The following HAUS7 variants were observed in gnomAD, a reference collection of about 807,000 sequenced individuals.
HAUS7 encodes the protein HAUS augmin like complex subunit 7, also known as HAUS augmin-like complex subunit 7.
A neutral mutation model predicts 28.4 loss-of-function variants in HAUS7; 3 were observed. The ratio of observed to expected loss-of-function variants is 0.11; its 90% CI spans 0.05 to 0.27. The LOEUF is 0.27. HAUS7 is among the 10% of genes least tolerant of loss of function. The pLI is 1.00. For synonymous variants in HAUS7, 165 were observed against 132.1 expected (o/e 1.25, Z -1.71); for missense variants, 284 against 297.3 (o/e 0.96, Z 0.33).
intron 1 of HAUS7, among the ~76,000 whole-genome samples, chrX:153,488,269 G>A (rs782273600): frequency 4.4e-5 from 5 of 112,830 alleles, no homozygotes; most frequent in South Asian, 3.6e-4. Flanking sequence ...CCCATTCCCC[G>A]GCCTTTCTCT....
At chrX:153,472,580 A>G (rs1364803378), upstream of HAUS7, among the ~76,000 whole-genome samples, 1 of 109,287 alleles carries the variant, frequency 9.2e-6, no homozygotes, top group Non-Finnish European at 1.9e-5. Flanking sequence ...CCAGAGGTAG[A>G]AGCTTCTGGA....
intron 8 of HAUS7, chrX:153,455,271 C>A: frequency 4.5e-6 from 2 of 441,025 alleles, no homozygotes; most frequent in Admixed American, 4.0e-5. Flanking sequence ...ACACGCAGGA[C>A]CCCACACCGG....
At chrX:153,483,324 A>G (rs992163704) in intron 1 of HAUS7, 8 of 753,774 alleles carry the variant, frequency 1.1e-5, no homozygotes, top group Non-Finnish European at 1.3e-5. Context: ...CTGGGCACCA[A>G]CCTCATCGAG....
intron 1 of HAUS7, among the ~76,000 whole-genome samples, chrX:153,485,583 C>A (rs1262573571): frequency 1.8e-5 from 2 of 112,416 alleles, no homozygotes; most frequent in Non-Finnish European, 3.8e-5. Context: ...CATAAACCCA[C>A]ACAGGGCCTG....
At chrX:153,479,453 C>T (rs2089584306) in intron 1 of HAUS7, 2 of 679,746 alleles carry the variant, frequency 2.9e-6, no homozygotes, top group Non-Finnish European at 3.5e-6. Context: ...ACTTTGGGTA[C>T]TCAGGCAGGG....
At chrX:153,454,976 A>C (rs782187020) in intron 8 of HAUS7, 1 of 1,020,713 alleles carries the variant, frequency 9.8e-7, no homozygotes, top group East Asian at 6.0e-5. Context: ...GGAATCCTTG[A>C]GCCAAGGGCA....
intron 1 of HAUS7, chrX:153,485,829 C>T (rs1264515044): frequency 1.0e-5 from 9 of 901,990 alleles, no homozygotes; most frequent in African/African-American, 4.2e-5. Context: ...CGCTTCCTGC[C>T]GCGGGGCCTG....
In HAUS7 at chrX:153,493,317, A is replaced by G. The variant is rs1266170338; in HGVS notation, c.-589+2057T>C. 2.7e-5 allele frequency among the ~76,000 whole-genome samples: 3 copies of G among 111,616 alleles called. No homozygotes were observed. In the East Asian group the frequency reaches 8.5e-4, roughly 32 times the overall value. On this transcript the variant is annotated intron_variant, in intron 1 of 5. Transcript: ENST00000370210. ...GCTGTCACTGAGCGGAATGTTTCCA[A>G]ATGCTTCTCTCTCCACCCAGACTGC... is the stretch of plus-strand genomic sequence containing the variant.
chrX:153,477,427 C>T (rs1176462228), intron 1 of HAUS7, among the ~76,000 whole-genome samples: 1 of 113,590 alleles, frequency 8.8e-6, no homozygotes, highest in Admixed American at 9.2e-5. Flanking sequence ...GGGACCTACC[C>T]CGTTTCTCAG....
chrX:153,473,982 A>G (rs189220125), upstream of HAUS7, among the ~76,000 whole-genome samples: 18 of 112,471 alleles, frequency 1.6e-4, no homozygotes, highest in East Asian at 4.2e-3. Flanking sequence ...CCCGAAACCC[A>G]GCCCTATCCT....
intron 9 of HAUS7, among the ~76,000 whole-genome samples, chrX:153,448,147 T>C (rs1204194610): frequency 9.1e-6 from 1 of 110,387 alleles, no homozygotes; most frequent in Non-Finnish European, 1.9e-5. Flanking sequence ...CCAACCCAAA[T>C]GTCCAACACT....
intron 1 of HAUS7, among the ~76,000 whole-genome samples, chrX:153,494,309 T>C (rs938283065): frequency 8.9e-6 from 1 of 112,784 alleles, no homozygotes; most frequent in Non-Finnish European, 1.9e-5. Flanking sequence ...CCTTCGTCTC[T>C]GAATCAGTTC....
At chrX:153,487,088 C>T (rs1323793538) in intron 1 of HAUS7, 4 of 248,565 alleles carry the variant, frequency 1.6e-5, no homozygotes, top group African/African-American at 1.1e-4. Context: ...CATGTCCTGG[C>T]TCTCCCATGT....
intron 4 of HAUS7, chrX:153,462,031 G>C: frequency 3.1e-6 from 2 of 651,554 alleles, no homozygotes; most frequent in Non-Finnish European, 4.9e-6. Context: ...GACCTCCTGG[G>C]GCTGTGTCAT....
intron 4 of HAUS7, chrX:153,461,904 G>A (rs1476197970): frequency 1.4e-5 from 5 of 355,878 alleles, no homozygotes; most frequent in African/African-American, 2.7e-5. Flanking sequence ...CCAAGAGGAT[G>A]GAAAACACGT....
chrX:153,468,582 C>CA (rs781826883), intron 2 of HAUS7, among the ~76,000 whole-genome samples: 14 of 112,524 alleles, frequency 1.2e-4, no homozygotes, highest in African/African-American at 3.9e-4. Flanking sequence ...CCATGGGCTT[C>CA]ATAGGGTGCC....
intron 1 of HAUS7, among the ~76,000 whole-genome samples, chrX:153,493,734 G>A (rs1162318919): frequency 9.0e-6 from 1 of 111,162 alleles, no homozygotes; most frequent in African/African-American, 3.3e-5. Flanking sequence ...AACAGGAAGG[G>A]GGTCTGTGCC....
At chrX:153,473,875 G>A (rs2089545317), upstream of HAUS7, among the ~76,000 whole-genome samples, 1 of 111,425 alleles carries the variant, frequency 9.0e-6, no homozygotes, top group Non-Finnish European at 1.9e-5. Flanking sequence ...CTGCCAGGCT[G>A]AGCTGTTGGT....
At chrX:153,465,654 G>A (rs2089446778) in intron 2 of HAUS7, among the ~76,000 whole-genome samples, 1 of 112,643 alleles carries the variant, frequency 8.9e-6, no homozygotes. Flanking sequence ...TCAGAAGCAT[G>A]TCACCTTAAA....
Sources: allele counts gnomAD v4.1 joint callset (sites outside exome capture counted in the v4.1 genomes callset), GRCh38; gene constraint gnomAD v4.1.1; transcripts MANE v1.5; gene names NCBI Gene and HGNC (gene_info 2026-07-23, HGNC 2026-07-21).